Variants in UBL3 observed in about 807,000 individuals in gnomAD.
UBL3 encodes ubiquitin like 3, also known as ubiquitin-like protein 3.
In UBL3, 6 loss-of-function variants were observed where a neutral mutation model predicts 18.4. The observed-to-expected ratio is 0.33, with a 90% CI of 0.18 to 0.64. UBL3 has a LOEUF of 0.64. UBL3 is among the 30% of genes least tolerant of loss of function. The probability of loss-of-function intolerance (pLI) is 0.76; values close to 1 mark genes in which losing one functional copy is unlikely to be tolerated. For missense variants in UBL3, 109 were observed against 142.9 expected (o/e 0.76, Z 1.21); for synonymous variants, 49 against 46.6 (o/e 1.05, Z -0.21).
chr13:29,831,460 T>C (rs1302420333), intron 1 of UBL3, among the ~76,000 whole-genome samples: 1 of 151,936 alleles, frequency 6.6e-6, no homozygotes, highest in Non-Finnish European at 1.5e-5. Context: ...TGGTAGTGCA[T>C]GCCTGTAATC....
At chr13:29,827,906 T>C (rs1018518032) in intron 1 of UBL3, among the ~76,000 whole-genome samples, 1 of 152,188 alleles carries the variant, frequency 6.6e-6, no homozygotes, top group Non-Finnish European at 1.5e-5. Context: ...ATTTGCTTGT[T>C]TGTAAAGGAT....
Position 29,772,216 on chromosome 13 carries a change from T to C in UBL3, c.137-18A>G. On this transcript the variant is annotated intron_variant, in intron 2 of 4. Coordinates refer to ENST00000380680, the MANE Select transcript of UBL3 (RefSeq NM_007106.4). Reference sequence around the variant, plus strand: ...TTCCCAGTCTGAAAAGAATCCAGTGTACTGGTTAGGTATATTCCAACATAT... The same window carrying C: ...TTCCCAGTCTGAAAAGAATCCAGTGCACTGGTTAGGTATATTCCAACATAT... 1 of 1,597,722 alleles carries C rather than the reference T, an allele frequency of 6.3e-7. No individual in the cohort carries two copies.
chr13:29,772,302 A>T, intron 2 of UBL3, 104 bp from the exon 3 acceptor site: 1 of 814,528 alleles, frequency 1.2e-6, no homozygotes, highest in Non-Finnish European at 1.9e-6. Context: ...AGTACAAAGA[A>T]GGCCCTTGGA....
intron 1 of UBL3, among the ~76,000 whole-genome samples, chr13:29,780,367 A>AAAATATATATAT (rs1359464345): frequency 9.7e-6 from 1 of 103,340 alleles, no homozygotes; most frequent in African/African-American, 4.0e-5. Flanking sequence ...AAAAAAAAAA[A>AAAATATATATAT]ATATATATAT....
At chr13:29,839,297 C>A (rs1353997528) in intron 1 of UBL3, among the ~76,000 whole-genome samples, 1 of 152,112 alleles carries the variant, frequency 6.6e-6, no homozygotes, top group East Asian at 1.9e-4. Flanking sequence ...CAGACCACAA[C>A]AGACACCAAA....
chr13:29,839,649 C>T (rs1016793135), intron 1 of UBL3, among the ~76,000 whole-genome samples: 10 of 151,980 alleles, frequency 6.6e-5, no homozygotes, highest in African/African-American at 1.7e-4. Context: ...AAAAATAGGC[C>T]GGGCGCAGTG....
chr13:29,804,633 G>C (rs1330204538), intron 1 of UBL3, among the ~76,000 whole-genome samples: 1 of 151,882 alleles, frequency 6.6e-6, no homozygotes, highest in African/African-American at 2.4e-5. Flanking sequence ...TGACCCCACA[G>C]TAATACAAAA....
At chr13:29,807,614 G>T (rs1241293442) in intron 1 of UBL3, among the ~76,000 whole-genome samples, 1 of 152,052 alleles carries the variant, frequency 6.6e-6, no homozygotes, top group East Asian at 1.9e-4. Flanking sequence ...GCTGTTCAAT[G>T]AAGTATGACT....
intron 1 of UBL3, among the ~76,000 whole-genome samples, chr13:29,821,474 T>C (rs1190685639): frequency 6.6e-6 from 1 of 152,190 alleles, no homozygotes. Context: ...GTAATACCTT[T>C]TGCAGACATT....
intron 1 of UBL3, among the ~76,000 whole-genome samples, chr13:29,779,940 CG>C (rs1565990017): frequency 6.6e-6 from 1 of 152,152 alleles, no homozygotes; most frequent in Non-Finnish European, 1.5e-5. Context: ...AGAAAGAGCT[CG>C]GCTCCTATGC....
rs1490815314 is a variant in UBL3 at position 29,772,254 on chromosome 13, A to G, written c.137-56T>C. On this transcript the variant is annotated intron_variant, in intron 2 of 4. Transcript: ENST00000380680. ...TATTCCAACATATAATTAAGGTACT[A>G]CTATATTGTTTTAAAAATTCAGATC... The G allele has an allele frequency of 9.1e-6, 13 of 1,429,902 alleles. No homozygotes were observed. The Admixed American group carries it at 2.4e-4, about 26-fold the overall frequency. The allele number at this position is 1,429,902 out of a possible 1,614,324, so 88.6% of individuals were successfully genotyped here.
chr13:29,841,862 A>G (rs1432803745), intron 1 of UBL3, among the ~76,000 whole-genome samples: 3 of 152,210 alleles, frequency 2.0e-5, no homozygotes, highest in Non-Finnish European at 4.4e-5. Context: ...TCAGACTGTG[A>G]TATCTGAAAG....
rs1006887741 is a variant in UBL3 at position 29,828,228 on chromosome 13, A to C, written c.27+21284T>G. On this transcript the variant is annotated intron_variant, in intron 1 of 4. Transcript: ENST00000380680. ...TTCCTGAATTTGAATGTTGGCCTGCATTGCTAGGTTGGGGAAGTTCTCCTG... is the reference window on the plus strand; with the variant it reads ...TTCCTGAATTTGAATGTTGGCCTGCCTTGCTAGGTTGGGGAAGTTCTCCTG... Among the ~76,000 whole-genome samples, 91 of 152,194 alleles carry C rather than the reference A, an allele frequency of 6.0e-4. 1 individual carries two copies. The highest frequency in any genetic ancestry group is 2.1e-3 in the African/African-American group (88 of 41,528).
chr13:29,832,806 A>G (rs576769531), intron 1 of UBL3, among the ~76,000 whole-genome samples: 2 of 152,222 alleles, frequency 1.3e-5, no homozygotes, highest in Admixed American at 6.5e-5. Context: ...GTCATTTTTA[A>G]TTTGGATTTC....
chr13:29,847,732 G>C (rs968410478), intron 1 of UBL3, among the ~76,000 whole-genome samples: 10 of 152,080 alleles, frequency 6.6e-5, no homozygotes, highest in African/African-American at 2.4e-4. Flanking sequence ...AGGCTTTCGA[G>C]AGAGCAAATC....
chr13:29,770,199 C>T (rs150685235), intron 3 of UBL3, among the ~76,000 whole-genome samples: 168 of 152,098 alleles, frequency 1.1e-3, no homozygotes, highest in African/African-American at 3.9e-3. Context: ...TTATTATTCA[C>T]ATTGAAGAAC....
intron 1 of UBL3, among the ~76,000 whole-genome samples, chr13:29,830,444 G>A (rs1593672942): frequency 6.6e-6 from 1 of 152,128 alleles, no homozygotes; most frequent in African/African-American, 2.4e-5. Context: ...CAGTACTTTG[G>A]GGAATGAAAA....
intron 2 of UBL3, 78 bp downstream of exon 2, chr13:29,777,077 C>T (rs1877017765): frequency 2.6e-6 from 3 of 1,138,762 alleles, no homozygotes; most frequent in Non-Finnish European, 3.7e-6. Flanking sequence ...TGTTATATAA[C>T]AGTTTCAAAA....
chr13:29,792,050 A>G (rs1044423778), intron 1 of UBL3, among the ~76,000 whole-genome samples: 5 of 152,216 alleles, frequency 3.3e-5, no homozygotes, highest in Non-Finnish European at 7.3e-5. Flanking sequence ...CCTGCTTTTA[A>G]ATCAAAAAAG....
Sources: gnomAD v4.1 joint callset for allele counts (sites outside exome capture counted in the v4.1 genomes callset) on GRCh38, gnomAD v4.1.1 for gene constraint, MANE v1.5 for transcripts, NCBI Gene and HGNC (gene_info 2026-07-23, HGNC 2026-07-21) for gene names.